Variants in TANC2 observed in about 807,000 individuals in gnomAD.
TANC2 encodes tetratricopeptide repeat, ankyrin repeat and coiled-coil containing 2.
A neutral mutation model predicts 210.5 loss-of-function variants in TANC2; 26 were observed. The ratio of observed to expected loss-of-function variants is 0.12; its 90% confidence interval spans 0.09 to 0.17. The LOEUF is 0.17. Ranked by LOEUF, TANC2 falls within the 10% of genes least tolerant of loss-of-function variation. The pLI, the probability that TANC2 is intolerant of heterozygous loss-of-function variation, is 1.00. For synonymous variants in TANC2, 931 were observed against 967.1 expected, an observed-to-expected ratio of 0.96 and a Z score of 0.69; for missense variants, 2,129 against 2,608.9, an observed-to-expected ratio of 0.82 and a Z score of 4.01.
At position 63,215,578 on chromosome 17, in the gene TANC2, A is replaced by G. The variant is rs188424745; in HGVS notation, c.769+14621A>G. On this transcript the variant is annotated intron_variant, in intron 7 of 27. Transcript: ENST00000689528. ...AGTGACCAATTATTTAATCATGCCT[A>G]AGTAGTGAAACCTCCATTTTAAAAA... is the stretch of plus-strand genomic sequence containing the variant. 2.0e-5 allele frequency among the ~76,000 whole-genome samples: 3 copies of G among 152,272 alleles called. No individual in the cohort carries two copies. In the East Asian group the frequency reaches 5.8e-4, roughly 29 times the overall value.
intron 21 of TANC2, among the ~76,000 whole-genome samples, chr17:63,410,507 A>T (rs183321161): frequency 6.6e-6 from 1 of 152,080 alleles, no homozygotes; most frequent in Non-Finnish European, 1.5e-5. Context: ...ATCGTGATCA[A>T]TGACAAACAT....
chr17:63,232,062 G>A (rs2042490930), intron 7 of TANC2, among the ~76,000 whole-genome samples: 1 of 152,098 alleles, frequency 6.6e-6, no homozygotes. Context: ...GTTGATACTT[G>A]TAGTTACATT....
chr17:63,328,352 A>G (rs2045720746), intron 11 of TANC2, among the ~76,000 whole-genome samples: 1 of 150,614 alleles, frequency 6.6e-6, no homozygotes, highest in Non-Finnish European at 1.5e-5. Flanking sequence ...ACAGAATTTT[A>G]AAACATGGTA....
chr17:63,162,888 C>T (rs1567776103), intron 5 of TANC2, among the ~76,000 whole-genome samples: 1 of 152,022 alleles, frequency 6.6e-6, no homozygotes, highest in African/African-American at 2.4e-5. Context: ...TAATGTCCCA[C>T]TTAACGTTAG....
intron 11 of TANC2, among the ~76,000 whole-genome samples, chr17:63,334,457 TAATA>T (rs1488446219): frequency 2.0e-5 from 3 of 149,700 alleles, no homozygotes; most frequent in Admixed American, 6.6e-5. Flanking sequence ...ATTAAATCAA[TAATA>T]AATAAATAAA....
At chr17:63,235,609 T>G (rs2146037389) in intron 7 of TANC2, among the ~76,000 whole-genome samples, 1 of 152,192 alleles carries the variant, frequency 6.6e-6, no homozygotes, top group African/African-American at 2.4e-5. Context: ...TAGAGAGAAA[T>G]TTAGGTCATC....
intron 8 of TANC2, among the ~76,000 whole-genome samples, chr17:63,260,951 G>T (rs2043338110): frequency 6.6e-6 from 1 of 151,716 alleles, no homozygotes; most frequent in South Asian, 2.1e-4. Context: ...ATAATTGTTG[G>T]CTGGTCACGG....
chr17:63,132,290 A>G (rs1030995104), intron 4 of TANC2, among the ~76,000 whole-genome samples: 14 of 152,048 alleles, frequency 9.2e-5, no homozygotes, highest in South Asian at 6.2e-4. Context: ...ATAGAGCAAT[A>G]TATTTTATTT....
chr17:63,393,805 T>C (rs1001096649), intron 17 of TANC2, among the ~76,000 whole-genome samples: 2 of 151,590 alleles, frequency 1.3e-5, no homozygotes, highest in African/African-American at 4.9e-5. Flanking sequence ...AGTTTCACTC[T>C]TGTCGCCCAG....
chr17:63,340,145 C>T (rs370387077), exon 12 of TANC2: 1 of 1,613,798 alleles, frequency 6.2e-7, no homozygotes, highest in African/African-American at 1.3e-5. Flanking sequence ...CCTACACTTG[C>T]TTGGTGCCAG....
chr17:63,306,742 A>G (rs915362644), intron 9 of TANC2, among the ~76,000 whole-genome samples: 17 of 152,318 alleles, frequency 1.1e-4, no homozygotes, highest in African/African-American at 4.1e-4. Context: ...ACTTGAGGCC[A>G]GGAGTTCAAA....
chr17:63,068,993 A>G (rs2036302196), intron 2 of TANC2, among the ~76,000 whole-genome samples: 1 of 152,142 alleles, frequency 6.6e-6, no homozygotes, highest in African/African-American at 2.4e-5. Context: ...AAGAAGGGAA[A>G]CTGTATTGGA....
intron 9 of TANC2, among the ~76,000 whole-genome samples, chr17:63,293,801 A>G (rs769842880): frequency 1.4e-5 from 2 of 148,130 alleles, no homozygotes; most frequent in Non-Finnish European, 3.0e-5. Flanking sequence ...GTGCAGTACC[A>G]TAATCACAGC....
chr17:63,012,371 C>T (rs1241612375), intron 2 of TANC2, among the ~76,000 whole-genome samples: 2 of 151,968 alleles, frequency 1.3e-5, no homozygotes, highest in African/African-American at 4.8e-5. Context: ...TTTGAAATTA[C>T]ATACCCTTTT....
chr17:63,417,579 TAAAA>T (rs1485706451), intron 26 of TANC2, among the ~76,000 whole-genome samples: 1 of 151,894 alleles, frequency 6.6e-6, no homozygotes, highest in Non-Finnish European at 1.5e-5. Flanking sequence ...AGGAACCAGT[TAAAA>T]AAAGGAACAG....
At chr17:63,188,938 C>T (rs2041093873) in intron 5 of TANC2, among the ~76,000 whole-genome samples, 1 of 151,816 alleles carries the variant, frequency 6.6e-6, no homozygotes, top group Non-Finnish European at 1.5e-5. Flanking sequence ...CACAGTCACT[C>T]CCCACACAAC....
At chr17:63,030,831 G>T (rs1329296372) in intron 2 of TANC2, among the ~76,000 whole-genome samples, 2 of 150,810 alleles carry the variant, frequency 1.3e-5, no homozygotes, top group South Asian at 4.2e-4. Context: ...ACCTAGTTTT[G>T]TTTTTTTTAA....
At position 63,207,424 on chromosome 17, in the gene TANC2, C is replaced by T. The variant is rs2145845486; in HGVS notation, c.769+6467C>T. ...TAGAGATGGGGTTTCACTGTGTTAG[C>T]CAGGATAGTCTTGATCTCCTGACCT... On this transcript the variant is annotated intron_variant, in intron 7 of 27. Coordinates refer to ENST00000689528, the Ensembl canonical transcript of TANC2. Among the ~76,000 whole-genome samples, 3 of 151,850 alleles carry T rather than the reference C, an allele frequency of 2.0e-5. 1 individual carries two copies. In the Middle Eastern group the frequency reaches 0.01, roughly 520 times the overall value.
chr17:63,244,034 A>G (rs1455595798), intron 8 of TANC2, among the ~76,000 whole-genome samples: 1 of 152,218 alleles, frequency 6.6e-6, no homozygotes, highest in Non-Finnish European at 1.5e-5. Context: ...TTTCCCATCT[A>G]AACTTGCAAA....
Sources: allele counts gnomAD v4.1 joint callset (sites outside exome capture counted in the v4.1 genomes callset), GRCh38; gene constraint gnomAD v4.1.1; transcripts MANE v1.5; gene names NCBI Gene and HGNC (gene_info 2026-07-23, HGNC 2026-07-21).